The following SYNRG variants were observed in gnomAD, a reference collection of about 807,000 sequenced individuals.
The protein encoded by SYNRG is AP1 gamma subunit binding protein 1.
SYNRG carries 37 observed loss-of-function variants against 130.9 expected under a neutral mutation model. That is an observed-to-expected ratio of 0.28 (90% CI 0.22 to 0.37). The LOEUF is 0.37. Ranked by LOEUF, SYNRG falls within the 10% of genes least tolerant of loss-of-function variation. The pLI is 1.00. For synonymous variants in SYNRG, 539 were observed against 568.1 expected (o/e 0.95, Z 0.73); for missense variants, 1,338 against 1,588.9 (o/e 0.84, Z 2.68).
At chr17:37,540,912 GT>G in intron 15 of SYNRG, 8 of 1,005,056 alleles carry the variant, frequency 8.0e-6, no homozygotes, top group Non-Finnish European at 9.5e-6. Context: ...GAGATTACAG[GT>G]GTGAGCCACC....
rs1317404677 is a variant in SYNRG at position 37,515,939 on chromosome 17, A to C, written c.*3001T>G. 6.6e-6 allele frequency: 1 copy of C among 152,248 alleles called. No individual in the cohort carries two copies. Among genetic ancestry groups the C allele is most frequent in the Non-Finnish European group, 1.5e-5 (1 of 68,048 alleles). 9.4% of individuals were successfully genotyped at this position (152,248 alleles called of 1,614,324 possible). A position where few individuals can be genotyped will look rare whatever the true frequency, so the allele number is the denominator to read the frequency against. ...ATGTATATGTACACAAAATATTCAA[A>C]TAATTAAAAATTCACAACCCCTATG... On this transcript the variant is annotated 3_prime_UTR_variant, in exon 22 of 22. Coordinates refer to ENST00000612223, the MANE Select transcript of SYNRG (RefSeq NM_007247.6).
At position 37,517,891 on chromosome 17, in the gene SYNRG, A is replaced by G. The variant is rs1483197271; in HGVS notation, c.*1049T>C. The stretch of plus-strand genomic sequence containing the variant: ...GCAAAGACAATTCCCTACTCCAGGA[A>G]GCATGAGCCTTTTCTATCTAAAATT... On this transcript the variant is annotated 3_prime_UTR_variant, in exon 22 of 22. Transcript: ENST00000612223. 2.0e-5 allele frequency: 3 copies of G among 152,232 alleles called. No homozygotes were observed. The highest frequency in any genetic ancestry group is 7.2e-5 in the African/African-American group (3 of 41,464). The allele number at this position is 152,232 out of a possible 1,614,324, so 9.4% of individuals were successfully genotyped here. A position where few individuals can be genotyped will look rare whatever the true frequency, so the allele number is the denominator to read the frequency against.
chr17:37,602,078 G>A (rs1003039502), intron 1 of SYNRG, among the ~76,000 whole-genome samples: 1 of 151,714 alleles, frequency 6.6e-6, no homozygotes, highest in Non-Finnish European at 1.5e-5. Flanking sequence ...GCTCACGTCT[G>A]TAATCCCAGC....
chr17:37,553,024 G>A lies in SYNRG; in HGVS notation c.2608+91C>T, dbSNP rs2058824459. 4.2e-6 allele frequency: 5 copies of A among 1,184,756 alleles called. No homozygotes were observed. The South Asian group carries it at 6.9e-5, about 16-fold the overall frequency. The allele number at this position is 1,184,756 out of a possible 1,614,324, so 73.4% of individuals were successfully genotyped here. A position where few individuals can be genotyped will look rare whatever the true frequency, so the allele number is the denominator to read the frequency against. ...TTATTAGAGATTCATAAAGCTAAAGGGCCAGAGCCTTACTCATGTAAATCA... is the reference window on the plus strand; with the variant it reads ...TTATTAGAGATTCATAAAGCTAAAGAGCCAGAGCCTTACTCATGTAAATCA... On this transcript the variant is annotated intron_variant, in intron 14 of 21. Coordinates refer to ENST00000612223, the MANE Select transcript of SYNRG (RefSeq NM_007247.6).
At chr17:37,522,838 A>G (rs1268894243) in intron 19 of SYNRG, among the ~76,000 whole-genome samples, 1 of 151,814 alleles carries the variant, frequency 6.6e-6, no homozygotes, top group Admixed American at 6.6e-5. Context: ...ACGGGGTTTC[A>G]CCATATTGGC....
chr17:37,543,272 C>T (rs2057942075), intron 14 of SYNRG, among the ~76,000 whole-genome samples: 1 of 152,122 alleles, frequency 6.6e-6, no homozygotes, highest in African/African-American at 2.4e-5. Context: ...AGATCTGGGT[C>T]CTGTTGGGCT....
intron 11 of SYNRG, among the ~76,000 whole-genome samples, chr17:37,565,996 G>A (rs1369436272): frequency 2.1e-5 from 3 of 145,318 alleles, no homozygotes; most frequent in South Asian, 2.1e-4. Context: ...CAGCCGCCCC[G>A]TCCGGGAGGG....
At chr17:37,540,591 G>A (rs756535258) in intron 15 of SYNRG, 48 bp from the exon 16 acceptor site, 20 of 1,388,052 alleles carry the variant, frequency 1.4e-5, no homozygotes, top group Non-Finnish European at 2.0e-5. Flanking sequence ...ACTCACCTTA[G>A]TTCAGGCAGA....
intron 6 of SYNRG, among the ~76,000 whole-genome samples, chr17:37,578,228 G>A (rs2061008883): frequency 6.6e-6 from 1 of 151,934 alleles, no homozygotes; most frequent in South Asian, 2.1e-4. Flanking sequence ...CTACTTGGGA[G>A]GCTGAGGCAG....
intron 19 of SYNRG, among the ~76,000 whole-genome samples, chr17:37,535,063 AGAG>A (rs1174693765): frequency 6.6e-6 from 1 of 152,218 alleles, no homozygotes; most frequent in Non-Finnish European, 1.5e-5. Flanking sequence ...GGACAGTAAT[AGAG>A]GAGGAAAATA....
chr17:37,554,861 TTA>T (rs1456686092), intron 13 of SYNRG, among the ~76,000 whole-genome samples: 1 of 152,154 alleles, frequency 6.6e-6, no homozygotes, highest in Non-Finnish European at 1.5e-5. Flanking sequence ...ACCAACTCTA[TTA>T]TATAAAGTTT....
chr17:37,521,819 G>A (rs1021953219), intron 19 of SYNRG, among the ~76,000 whole-genome samples: 4 of 152,120 alleles, frequency 2.6e-5, no homozygotes, highest in African/African-American at 4.8e-5. Context: ...AGGCCTGGGT[G>A]ACCTGCTGGA....
At chr17:37,521,627 G>T (rs1215582272) in intron 19 of SYNRG, among the ~76,000 whole-genome samples, 1 of 152,180 alleles carries the variant, frequency 6.6e-6, no homozygotes, top group Non-Finnish European at 1.5e-5. Context: ...ATTACTGACA[G>T]ATCCCTCTCG....
At chr17:37,565,456 C>T (rs1391972295) in intron 11 of SYNRG, among the ~76,000 whole-genome samples, 5 of 151,758 alleles carry the variant, frequency 3.3e-5, no homozygotes, top group Admixed American at 2.0e-4. Flanking sequence ...AGCCTCTGCC[C>T]GGCCGCCACC....
chr17:37,539,617 C>T (rs1187469175), intron 16 of SYNRG, among the ~76,000 whole-genome samples: 2 of 152,170 alleles, frequency 1.3e-5, no homozygotes, highest in African/African-American at 2.4e-5. Context: ...GTGATCTGCC[C>T]GACTTGGCCT....
chr17:37,527,517 C>G (rs939628742), intron 19 of SYNRG, among the ~76,000 whole-genome samples: 1 of 152,170 alleles, frequency 6.6e-6, no homozygotes. Context: ...CCAGTACAGT[C>G]AGCCCTCGGT....
Position 37,520,544 on chromosome 17 carries a change from C to G in SYNRG, c.3771G>C (p.Arg1257Ser). The change falls in exon 20 of 22, where the codon AGG becomes AGC. Residue 1257 changes from arginine (R) to serine (S), a missense_variant. Around this residue, in one of 3 missense-constraint regions of SYNRG, gnomAD observed 1,146 missense variants for 1,342.3 expected, o/e 0.85. Coordinates refer to ENST00000612223, the MANE Select transcript of SYNRG (RefSeq NM_007247.6). The stretch of plus-strand genomic sequence containing the variant: ...AGGAGGCTGCGTGACTTACCCGGCT[C>G]CTCGAGTCCACATTCAAGAGGCACA... ...CGVCLLNVDS[R>S]SRKEEKPAEE... 1.2e-6 allele frequency: 2 copies of G among 1,614,144 alleles called. No homozygotes were observed. The highest frequency in any genetic ancestry group is 1.7e-6 in the Non-Finnish European group (2 of 1,180,018).
Position 37,607,973 on chromosome 17 carries a change from A to AC in SYNRG, c.77+1305_77+1306insG, listed in dbSNP as rs2063939699. On this transcript the variant is annotated intron_variant, in intron 1 of 21. Coordinates refer to ENST00000612223, the MANE Select transcript of SYNRG (RefSeq NM_007247.6). Reference sequence around the variant, plus strand: ...TTCCTCTCAAAAAAAAAAAAAAAAAAAAAAAAACAAGACAAAAGAAAAAGA... The same window carrying AC: ...TTCCTCTCAAAAAAAAAAAAAAAAAACAAAAAAACAAGACAAAAGAAAAAGA... Among the ~76,000 whole-genome samples, 253 of 139,264 alleles carry AC rather than the reference A, an allele frequency of 1.8e-3. 3 individuals are homozygous for AC. Among genetic ancestry groups the AC allele is most frequent in the East Asian group, 0.012 (46 of 3,844 alleles). 91.4% of individuals were successfully genotyped at this position (139,264 alleles called of 152,430 possible).
At chr17:37,599,072 T>G (rs1402641631) in intron 2 of SYNRG, among the ~76,000 whole-genome samples, 1 of 152,250 alleles carries the variant, frequency 6.6e-6, no homozygotes, top group Non-Finnish European at 1.5e-5. Flanking sequence ...ACTGACCACC[T>G]GCTACTGAGC....
Sources: allele counts gnomAD v4.1 joint callset (sites outside exome capture counted in the v4.1 genomes callset), GRCh38; gene constraint gnomAD v4.1.1; regional missense constraint gnomAD v4.1.1; transcripts MANE v1.5; gene names NCBI Gene and HGNC (gene_info 2026-07-23, HGNC 2026-07-21).